The following ZNF837 variants were observed in gnomAD, a reference collection of about 807,000 sequenced individuals.
ZNF837 encodes the protein zinc finger protein 837.
For synonymous variants in ZNF837, 475 were observed against 365.2 expected (o/e 1.30, Z -3.43); for missense variants, 955 against 801.7 (o/e 1.19, Z -2.31).
intron 1 of ZNF837, among the ~76,000 whole-genome samples, chr19:58,374,405 A>C (rs1488261274): frequency 6.6e-6 from 1 of 152,254 alleles, no homozygotes; most frequent in East Asian, 1.9e-4. Context: ...TTTAGAAAAC[A>C]TGGAAAGTAA....
rs2052150526 is a variant in ZNF837 at position 58,367,877 on chromosome 19, G to C, written c.1456C>G (p.Arg486Gly). The stretch of plus-strand genomic sequence containing the variant: ...AGGTGGCGCACCAGGCTGCAGTTGC[G>C]CACGAAGGCCTTGCCGCAGTCGCGG... ...ICRDCGKAFVRNCSLVRHLRT... is the reference protein window; with the variant it reads ...ICRDCGKAFVGNCSLVRHLRT... The change falls in exon 3 of 3, where the codon CGC becomes GGC. Residue 486 changes from arginine (R) to glycine (G), a missense_variant. Transcript: ENST00000597582. The C allele has an allele frequency of 6.5e-7, 1 of 1,535,216 alleles. No homozygotes were observed. Among genetic ancestry groups the C allele is most frequent in the Non-Finnish European group, 8.7e-7 (1 of 1,144,164 alleles).
chr19:58,369,557 G>A (rs2052181364), intron 2 of ZNF837, among the ~76,000 whole-genome samples, 196 bp from the exon 3 acceptor site: 1 of 151,996 alleles, frequency 6.6e-6, no homozygotes, highest in East Asian at 1.9e-4. Context: ...AGACCCCAGA[G>A]AACAGCTTCC....
intron 1 of ZNF837, among the ~76,000 whole-genome samples, chr19:58,374,108 G>C (rs989066224): frequency 6.6e-6 from 1 of 152,204 alleles, no homozygotes; most frequent in African/African-American, 2.4e-5. Context: ...GATATAGATA[G>C]TGCAGCTGCT....
chr19:58,375,962 A>G (rs1327703716), intron 1 of ZNF837, among the ~76,000 whole-genome samples: 2 of 151,710 alleles, frequency 1.3e-5, no homozygotes, highest in African/African-American at 4.8e-5. Flanking sequence ...TCTGTTGCCC[A>G]GGCTGGAGTG....
At position 58,368,542 on chromosome 19, in the gene ZNF837, T is replaced by A; in HGVS notation, c.791A>T (p.Asp264Val). The change falls in exon 3 of 3, where the codon GAC becomes GTC. Residue 264 changes from aspartate (D) to valine (V), a missense_variant. By Grantham distance (152) the Asp-to-Val change is radical. Transcript: ENST00000597582. ...QTSRPRPIVP[D>V]PPAQRLYACD... Reference sequence around the variant, plus strand: ...AGCGTACAGTCGCTGGGCCGGGGGGTCGGGGACAATAGGGCGAGGTCGCGA... The same window carrying A: ...AGCGTACAGTCGCTGGGCCGGGGGGACGGGGACAATAGGGCGAGGTCGCGA... 1.6e-6 allele frequency: 2 copies of A among 1,238,382 alleles called. No homozygotes were observed. The highest frequency in any genetic ancestry group is 2.3e-6 in the Non-Finnish European group (2 of 873,448). 76.7% of individuals were successfully genotyped at this position (1,238,382 alleles called of 1,614,324 possible).
At chr19:58,379,077 T>G (rs1599928350) in intron 1 of ZNF837, among the ~76,000 whole-genome samples, 1 of 152,206 alleles carries the variant, frequency 6.6e-6, no homozygotes, top group Admixed American at 6.5e-5. Flanking sequence ...TAGAGACTGG[T>G]CTAGCACCCT....
At chr19:58,378,672 C>T (rs1355450761) in intron 1 of ZNF837, among the ~76,000 whole-genome samples, 1 of 152,238 alleles carries the variant, frequency 6.6e-6, no homozygotes, top group Admixed American at 6.5e-5. Flanking sequence ...TATCCAATGT[C>T]CTAACCCCGG....
chr19:58,371,689 T>G (rs2052203411), intron 1 of ZNF837, among the ~76,000 whole-genome samples: 2 of 151,664 alleles, frequency 1.3e-5, no homozygotes, highest in South Asian at 4.2e-4. Context: ...TTCCCTATTC[T>G]GTGCAAGGCA....
At position 58,369,060 on chromosome 19, in the gene ZNF837, C is replaced by T. The variant is rs1599922726; in HGVS notation, c.273G>A (p.Pro91=). 2 of 1,518,772 alleles carry T rather than the reference C, an allele frequency of 1.3e-6. No homozygotes were observed. Among genetic ancestry groups the T allele is most frequent in the Non-Finnish European group, 8.8e-7 (1 of 1,132,326 alleles). The allele number at this position is 1,518,772 out of a possible 1,614,324, so 94.1% of individuals were successfully genotyped here. ...SAGTRPLVRE[P]CGPTSSQNPE... ...GGTTCTGAGAAGAGGTGGGGCCGCA[C>T]GGCTCCCGCACGAGGGGTCTGGTCC... Residue 91 remains proline (P), a synonymous_variant, in exon 3 of 3, where the codon CCG becomes CCA. Transcript: ENST00000597582.
chr19:58,370,970 G>A (rs897800519), intron 1 of ZNF837, among the ~76,000 whole-genome samples: 3 of 151,870 alleles, frequency 2.0e-5, no homozygotes, highest in African/African-American at 7.2e-5. Context: ...AGCCGGGCGC[G>A]GTGGCTCACG....
chr19:58,378,530 C>T (rs2052266964), intron 1 of ZNF837, among the ~76,000 whole-genome samples: 1 of 152,136 alleles, frequency 6.6e-6, no homozygotes. Context: ...GGGTGAAAGA[C>T]CATACCTGGG....
chr19:58,376,554 C>CAAAAAAAAAAAAAAA (rs59075587), intron 1 of ZNF837, among the ~76,000 whole-genome samples: 3 of 67,766 alleles, frequency 4.4e-5, no homozygotes, highest in Admixed American at 1.7e-4. Flanking sequence ...GACTCTGTCT[C>CAAAAAAAAAAAAAAA]AAAAAAAAAA....
At chr19:58,369,433 C>T (rs1423085668) in intron 2 of ZNF837, 72 bp from the exon 3 acceptor site, 12 of 1,251,852 alleles carry the variant, frequency 9.6e-6, no homozygotes, top group Non-Finnish European at 1.2e-5. Context: ...GGCCAACGAG[C>T]GACCACCCCA....
intron 1 of ZNF837, among the ~76,000 whole-genome samples, chr19:58,375,270 G>GTATA (rs58582835): frequency 0.02 from 680 of 34,652 alleles, 22 homozygotes; most frequent in African/African-American, 0.044. Flanking sequence ...AAAAAAAAAA[G>GTATA]TATATATATA....
chr19:58,374,732 G>A (rs895511332), intron 1 of ZNF837, among the ~76,000 whole-genome samples: 17 of 152,040 alleles, frequency 1.1e-4, no homozygotes, highest in African/African-American at 3.9e-4. Context: ...AGGCCAGTTC[G>A]AGACCAGCCT....
intron 1 of ZNF837, among the ~76,000 whole-genome samples, chr19:58,375,732 C>T: frequency 6.6e-6 from 1 of 150,690 alleles, no homozygotes; most frequent in East Asian, 2.0e-4. Context: ...AGGTGTGAGC[C>T]ACCTCGCCCA....
chr19:58,369,324 A>G lies in ZNF837; in HGVS notation c.9T>C (p.Ala3=). The change falls in exon 3 of 3, where the codon GCT becomes GCC. Residue 3 remains alanine (A), a synonymous_variant. Coordinates refer to ENST00000597582, the MANE Select transcript of ZNF837 (RefSeq NM_138466.2). ME[A]PAQKAGQGGL... is the part of the protein sequence containing the mutation. Reference sequence around the variant, plus strand: ...CTCCCTGCCCAGCCTTCTGGGCTGGAGCCTCCATCCTGGGGCGCAGAGTTC... The same window carrying G: ...CTCCCTGCCCAGCCTTCTGGGCTGGGGCCTCCATCCTGGGGCGCAGAGTTC... 1 of 1,364,230 alleles carries G rather than the reference A, an allele frequency of 7.3e-7. No homozygotes were observed. Among genetic ancestry groups the G allele is most frequent in the Non-Finnish European group, 9.4e-7 (1 of 1,063,798 alleles). The allele number at this position is 1,364,230 out of a possible 1,614,324, so 84.5% of individuals were successfully genotyped here. A position where few individuals can be genotyped will look rare whatever the true frequency, so the allele number is the denominator to read the frequency against.
chr19:58,367,890 G>A lies in ZNF837; in HGVS notation c.1443C>T (p.Gly481=), dbSNP rs1266469108. Residue 481 remains glycine (G), a synonymous_variant, in exon 3 of 3, where the codon GGC becomes GGT. Transcript: ENST00000597582. ...GGCTGCAGTTGCGCACGAAGGCCTT[G>A]CCGCAGTCGCGGCAGATGTAGGGCT... ...GEKPYICRDC[G]KAFVRNCSLV... is the part of the protein sequence containing the mutation. 3 of 1,535,170 alleles carry A rather than the reference G, an allele frequency of 2.0e-6. No homozygotes were observed. Among genetic ancestry groups the A allele is most frequent in the Non-Finnish European group, 2.6e-6 (3 of 1,144,188 alleles).
Position 58,369,187 on chromosome 19 carries a change from T to C in ZNF837, c.146A>G (p.Asp49Gly). The C allele has an allele frequency of 1.4e-6, 2 of 1,449,266 alleles. No individual in the cohort carries two copies. The highest frequency in any genetic ancestry group is 1.5e-5 in the African/African-American group (1 of 67,626). The allele number at this position is 1,449,266 out of a possible 1,614,324, so 89.8% of individuals were successfully genotyped here. ...RAGSRPTQKGDLRGAAGGRTT... is the reference protein window; with the variant it reads ...RAGSRPTQKGGLRGAAGGRTT... Reference sequence around the variant, plus strand: ...CCTACCGCCCGCCGCTCCACGCAGGTCCCCCTTTTGAGTGGGGCGGCTCCC... The same window carrying C: ...CCTACCGCCCGCCGCTCCACGCAGGCCCCCCTTTTGAGTGGGGCGGCTCCC... The change falls in exon 3 of 3, where the codon GAC becomes GGC. Residue 49 changes from aspartate (D) to glycine (G), a missense_variant. Transcript: ENST00000597582.
Sources: gnomAD v4.1 joint callset for allele counts (sites outside exome capture counted in the v4.1 genomes callset) on GRCh38, gnomAD v4.1.1 for gene constraint, MANE v1.5 for transcripts, NCBI Gene and HGNC (gene_info 2026-07-23, HGNC 2026-07-21) for gene names.